Variants in PPP2R2C observed in about 807,000 individuals in gnomAD.
PPP2R2C encodes the protein protein phosphatase 2, regulatory subunit B, gamma.
PPP2R2C carries 10 observed loss-of-function variants against 45.3 expected under a neutral mutation model. That is an observed-to-expected ratio of 0.22 (90% CI 0.14 to 0.37). The LOEUF (loss-of-function observed/expected upper bound fraction) is 0.37, where lower values mean the gene tolerates loss of function less well. PPP2R2C is among the 10% of genes least tolerant of loss of function. The probability of loss-of-function intolerance (pLI) is 1.00; values close to 1 mark genes in which losing one functional copy is unlikely to be tolerated. For missense variants in PPP2R2C, 308 were observed against 619.7 expected, an observed-to-expected ratio of 0.50 and a Z score of 5.34; for synonymous variants, 257 against 245.4, an observed-to-expected ratio of 1.05 and a Z score of -0.44.
chr4:6,450,471 C>G (rs1720677535), intron 1 of PPP2R2C, among the ~76,000 whole-genome samples: 1 of 152,170 alleles, frequency 6.6e-6, no homozygotes, highest in Admixed American at 6.5e-5. Context: ...GATCACCAAG[C>G]ACTGGAAGGA....
chr4:6,489,742 TC>T (rs1186933255), intron 2 of PPP2R2C, among the ~76,000 whole-genome samples: 1 of 152,166 alleles, frequency 6.6e-6, no homozygotes, highest in Non-Finnish European at 1.5e-5. Context: ...AGTCCACTAC[TC>T]AACAAGTGAG....
intron 1 of PPP2R2C, among the ~76,000 whole-genome samples, chr4:6,389,336 T>C (rs1716441122): frequency 6.6e-6 from 1 of 152,184 alleles, no homozygotes; most frequent in African/African-American, 2.4e-5. Context: ...TCACCATAAG[T>C]GCTGCTGACA....
rs1721935116 is a variant in PPP2R2C, at chr4:6,472,159, C to CGGGA, written c.70_70+1insTCCC (p.Ala24ValfsTer3). Reference sequence around the variant, plus strand: ...GGGGTCTCAGACAACACGTACGTTACCTTCAGTCACATAGCTGTGGTCCCG... The same window carrying CGGGA: ...GGGGTCTCAGACAACACGTACGTTACGGGACTTCAGTCACATAGCTGTGGTCCCG... On this transcript the variant is annotated frameshift_variant and splice_region_variant. Transcript: ENST00000382599. LOFTEE classifies it high-confidence loss of function. The CGGGA allele has an allele frequency of 6.2e-7, 1 of 1,613,528 alleles. No homozygotes were observed. Among genetic ancestry groups the CGGGA allele is most frequent in the East Asian group, 2.2e-5 (1 of 44,844 alleles).
intron 1 of PPP2R2C, among the ~76,000 whole-genome samples, chr4:6,539,593 A>G (rs1326349672): frequency 6.9e-6 from 1 of 144,620 alleles, no homozygotes; most frequent in East Asian, 2.0e-4. Context: ...CCTTCAAAAA[A>G]TAAAGGATAA....
At chr4:6,487,554 T>C (rs867213778) in intron 2 of PPP2R2C, among the ~76,000 whole-genome samples, 2 of 152,148 alleles carry the variant, frequency 1.3e-5, no homozygotes, top group African/African-American at 2.4e-5. Context: ...CATTATTTTC[T>C]AGAGAAATCT....
At chr4:6,467,244 C>T (rs550787667) in intron 1 of PPP2R2C, among the ~76,000 whole-genome samples, 1 of 152,300 alleles carries the variant, frequency 6.6e-6, no homozygotes, top group East Asian at 1.9e-4. Flanking sequence ...TCTGTGCCAC[C>T]ACTAATGTCC....
intron 1 of PPP2R2C, among the ~76,000 whole-genome samples, chr4:6,395,570 G>T (rs1268266730): frequency 1.3e-5 from 2 of 152,210 alleles, no homozygotes; most frequent in African/African-American, 4.8e-5. Context: ...GTGGGGTAGG[G>T]TGTGGGCAGA....
upstream of PPP2R2C, among the ~76,000 whole-genome samples, chr4:6,473,568 G>C (rs1035458053): frequency 6.6e-6 from 1 of 152,232 alleles, no homozygotes; most frequent in Non-Finnish European, 1.5e-5. Context: ...TTGCCTGGGA[G>C]GGGTAAGTGC....
chr4:6,438,319 G>T (rs1719989698), intron 1 of PPP2R2C, among the ~76,000 whole-genome samples: 1 of 152,198 alleles, frequency 6.6e-6, no homozygotes, highest in South Asian at 2.1e-4. Context: ...GCCAGCCAGA[G>T]GAAGCAACTG....
chr4:6,424,739 G>A (rs1719192319), intron 1 of PPP2R2C, among the ~76,000 whole-genome samples: 1 of 152,160 alleles, frequency 6.6e-6, no homozygotes, highest in Admixed American at 6.5e-5. Flanking sequence ...GGACCGTGTG[G>A]GAGATGCAGG....
chr4:6,551,974 AGT>A (rs1725199311), intron 1 of PPP2R2C, among the ~76,000 whole-genome samples: 1 of 152,212 alleles, frequency 6.6e-6, no homozygotes, highest in African/African-American at 2.4e-5. Context: ...CTGGAGAGAA[AGT>A]GGAGAGACTT....
At chr4:6,478,331 T>C (rs150417225) in intron 2 of PPP2R2C, among the ~76,000 whole-genome samples, 268 of 152,332 alleles carry the variant, frequency 1.8e-3, no homozygotes, top group African/African-American at 5.8e-3. Flanking sequence ...CCTTTTAATA[T>C]TAGGTGTAGT....
intron 6 of PPP2R2C, 57 bp downstream of exon 6, chr4:6,347,789 T>TACCCC: frequency 9.7e-7 from 1 of 1,033,616 alleles, no homozygotes; most frequent in Non-Finnish European, 1.4e-6. Flanking sequence ...GGACAGGACA[T>TACCCC]CCCACCCGCC....
At chr4:6,462,532 A>C (rs989178136) in intron 1 of PPP2R2C, among the ~76,000 whole-genome samples, 4 of 152,196 alleles carry the variant, frequency 2.6e-5, no homozygotes, top group Non-Finnish European at 4.4e-5. Flanking sequence ...GGTAGCCTGA[A>C]AAGGGGATGG....
Position 6,349,422 on chromosome 4 carries a change from G to A in PPP2R2C, c.626-1412C>T, listed in dbSNP as rs901495662. ...CGCTGTGAAGATCATCAGAGGCAAA[G>A]CCCTTCACACACTGCCTGATGCGTT... On this transcript the variant is annotated intron_variant, in intron 5 of 8. Coordinates refer to ENST00000382599, the MANE Select transcript of PPP2R2C (RefSeq NM_020416.4). 54 of 978,668 alleles carry A rather than the reference G, an allele frequency of 5.5e-5. 1 individual carries two copies. In the Middle Eastern group the frequency reaches 1.6e-3, roughly 29 times the overall value. The allele number at this position is 978,668 out of a possible 1,614,324, so 60.6% of individuals were successfully genotyped here. A position where few individuals can be genotyped will look rare whatever the true frequency, so the allele number is the denominator to read the frequency against.
intron 1 of PPP2R2C, chr4:6,384,432 C>G (rs1325041626): frequency 1.0e-6 from 1 of 984,582 alleles, no homozygotes; most frequent in Non-Finnish European, 1.2e-6. Flanking sequence ...ATAATATTTC[C>G]TCCTCTTTCA....
intron 1 of PPP2R2C, among the ~76,000 whole-genome samples, chr4:6,385,506 C>G (rs1228137759): frequency 1.3e-5 from 2 of 152,098 alleles, no homozygotes; most frequent in Non-Finnish European, 2.9e-5. Flanking sequence ...GGAAGCCTTC[C>G]TGGATAGTCC....
chr4:6,330,260 C>A lies in PPP2R2C; in HGVS notation c.961-907G>T, dbSNP rs916911759. On this transcript the variant is annotated intron_variant, in intron 7 of 8. Transcript: ENST00000382599. This position sits in a 1 kb window ranked among gnomAD's most constrained non-coding sequence, Gnocchi z 7.0. ...GGGCACGGGCTCTGCCCTCTGGGTG[C>A]GGAAGGGAAGGTAACTGGGTGCCAT... Among the ~76,000 whole-genome samples the A allele has an allele frequency of 6.6e-6, 1 of 152,130 alleles. No homozygotes were observed. Among genetic ancestry groups the A allele is most frequent in the African/African-American group, 2.4e-5 (1 of 41,420 alleles).
intron 2 of PPP2R2C, among the ~76,000 whole-genome samples, chr4:6,488,247 AT>A (rs1205812874): frequency 6.6e-6 from 1 of 152,048 alleles, no homozygotes; most frequent in African/African-American, 2.4e-5. Context: ...TATGATTTGC[AT>A]TTTCCTGCTT....
Sources: allele counts gnomAD v4.1 joint callset (sites outside exome capture counted in the v4.1 genomes callset), GRCh38; gene constraint gnomAD v4.1.1; non-coding constraint Gnocchi (gnomAD v3.1); transcripts MANE v1.5; gene names NCBI Gene and HGNC (gene_info 2026-07-23, HGNC 2026-07-21).